Variants in AGBL4 observed in about 807,000 individuals in gnomAD.
The protein encoded by AGBL4 is AGBL carboxypeptidase 4.
AGBL4 carries 58 observed loss-of-function variants against 66.4 expected under a neutral mutation model. The observed-to-expected ratio is 0.87, with a 90% CI of 0.71 to 1.09. AGBL4 has a LOEUF of 1.09. Among genes scored for constraint, AGBL4 ranks in the 50% least tolerant of loss-of-function variants. The probability of loss-of-function intolerance (pLI) is 0.00; values close to 1 mark genes in which losing one functional copy is unlikely to be tolerated. For synonymous variants in AGBL4, 234 were observed against 222.9 expected (o/e 1.05, Z -0.44); for missense variants, 579 against 631.0 (o/e 0.92, Z 0.88).
intron 6 of AGBL4, among the ~76,000 whole-genome samples, chr1:48,766,960 G>A (rs1202061255): frequency 6.6e-6 from 1 of 152,202 alleles, no homozygotes; most frequent in South Asian, 2.1e-4. Flanking sequence ...GTGTGACTTC[G>A]TGAGAGACAC....
intron 5 of AGBL4, among the ~76,000 whole-genome samples, chr1:48,973,233 C>T (rs1022462171): frequency 1.3e-5 from 2 of 151,948 alleles, no homozygotes; most frequent in African/African-American, 4.8e-5. Context: ...TTTAAAATGC[C>T]AAGCCATCTA....
chr1:48,683,179 T>C (rs960385309), intron 6 of AGBL4, among the ~76,000 whole-genome samples: 1 of 152,212 alleles, frequency 6.6e-6, no homozygotes, highest in Non-Finnish European at 1.5e-5. Flanking sequence ...ATACTTTGCA[T>C]TCAAATGTCC....
At chr1:48,594,469 A>G (rs1203149603) in intron 9 of AGBL4, among the ~76,000 whole-genome samples, 1 of 152,226 alleles carries the variant, frequency 6.6e-6, no homozygotes, top group Non-Finnish European at 1.5e-5. Context: ...GCTATGTATT[A>G]TAGAAATTAA....
At chr1:48,886,092 A>G (rs1012857019) in intron 5 of AGBL4, among the ~76,000 whole-genome samples, 4 of 152,172 alleles carry the variant, frequency 2.6e-5, no homozygotes, top group Non-Finnish European at 5.9e-5. Flanking sequence ...TCAGGACACC[A>G]GCAGGTGAGG....
At chr1:49,933,662 A>T (rs894911931) in intron 1 of AGBL4, among the ~76,000 whole-genome samples, 7 of 152,184 alleles carry the variant, frequency 4.6e-5, no homozygotes, top group Non-Finnish European at 8.8e-5. Flanking sequence ...GGGGTGAAAT[A>T]AAAGTGCAGT....
At chr1:49,195,152 C>G (rs1304902942) in intron 4 of AGBL4, among the ~76,000 whole-genome samples, 1 of 152,006 alleles carries the variant, frequency 6.6e-6, no homozygotes, top group African/African-American at 2.4e-5. Flanking sequence ...TCTTTTTATT[C>G]CTATGTCTGT....
chr1:48,939,492 C>A (rs1193712198), intron 5 of AGBL4, among the ~76,000 whole-genome samples: 3 of 152,124 alleles, frequency 2.0e-5, no homozygotes, highest in African/African-American at 7.2e-5. Context: ...GCTGTGAAAA[C>A]AAATTAAAAG....
At chr1:48,769,754 C>T (rs1412116508) in intron 6 of AGBL4, among the ~76,000 whole-genome samples, 1 of 152,104 alleles carries the variant, frequency 6.6e-6, no homozygotes, top group Non-Finnish European at 1.5e-5. Context: ...GATATTTTTC[C>T]ATATTATCCT....
intron 6 of AGBL4, among the ~76,000 whole-genome samples, chr1:48,671,417 C>T (rs1390937335): frequency 6.6e-6 from 1 of 152,164 alleles, no homozygotes; most frequent in East Asian, 1.9e-4. Flanking sequence ...TTCAAACTGG[C>T]CAGTGGAGGA....
At chr1:49,244,410 T>C (rs887885123) in intron 4 of AGBL4, among the ~76,000 whole-genome samples, 1 of 151,808 alleles carries the variant, frequency 6.6e-6, no homozygotes, top group African/African-American at 2.4e-5. Flanking sequence ...AGCAGATTAG[T>C]TGATTTGATA....
At chr1:49,875,983 C>T (rs1239642998) in intron 1 of AGBL4, among the ~76,000 whole-genome samples, 7 of 146,114 alleles carry the variant, frequency 4.8e-5, no homozygotes, top group East Asian at 4.0e-4. Context: ...TCATGTCCCT[C>T]GCCCACTTTT....
chr1:48,545,247 G>C (rs1016483656), intron 11 of AGBL4, among the ~76,000 whole-genome samples: 5 of 152,180 alleles, frequency 3.3e-5, no homozygotes, highest in Admixed American at 6.5e-5. Context: ...GCCACTGTAA[G>C]GTGTTGATCA....
intron 1 of AGBL4, among the ~76,000 whole-genome samples, chr1:50,008,471 TAA>T (rs2148431733): frequency 6.6e-6 from 1 of 152,000 alleles, no homozygotes; most frequent in East Asian, 1.9e-4. Context: ...AAACAAATGA[TAA>T]CAAAAACATA....
intron 3 of AGBL4, among the ~76,000 whole-genome samples, chr1:49,674,589 C>CAA (rs1320212088): frequency 2.1e-5 from 3 of 143,284 alleles, no homozygotes; most frequent in Non-Finnish European, 4.5e-5. Context: ...CACACACACA[C>CAA]ACACACACAC....
chr1:49,576,887 C>A (rs1644447434), intron 3 of AGBL4, among the ~76,000 whole-genome samples: 2 of 152,310 alleles, frequency 1.3e-5, no homozygotes, highest in South Asian at 4.1e-4. Flanking sequence ...TGGACAGCTG[C>A]AGCACTACAG....
chr1:48,992,668 A>G (rs1201955045), intron 5 of AGBL4, among the ~76,000 whole-genome samples: 5 of 152,034 alleles, frequency 3.3e-5, no homozygotes, highest in African/African-American at 9.7e-5. Context: ...GCTCCATTCT[A>G]CTGTGACTGA....
At chr1:48,966,714 T>A (rs1175291191) in intron 5 of AGBL4, among the ~76,000 whole-genome samples, 1 of 152,088 alleles carries the variant, frequency 6.6e-6, no homozygotes, top group African/African-American at 2.4e-5. Context: ...GCAAAGCCTG[T>A]AAGAGACTTT....
At chr1:49,709,783 G>T (rs958382190) in intron 2 of AGBL4, among the ~76,000 whole-genome samples, 3 of 152,026 alleles carry the variant, frequency 2.0e-5, no homozygotes, top group Non-Finnish European at 2.9e-5. Flanking sequence ...GTGGCCGAAG[G>T]ATATGAACAG....
chr1:49,502,327 T>C (rs1410540870), intron 3 of AGBL4, among the ~76,000 whole-genome samples: 1 of 152,156 alleles, frequency 6.6e-6, no homozygotes, highest in African/African-American at 2.4e-5. Flanking sequence ...TGTGAGTCAG[T>C]ACTCCTTAAT....
Sources: allele counts gnomAD v4.1 joint callset (sites outside exome capture counted in the v4.1 genomes callset), GRCh38; gene constraint gnomAD v4.1.1; transcripts MANE v1.5; gene names NCBI Gene and HGNC (gene_info 2026-07-23, HGNC 2026-07-21).